Variants in SENP6 observed in about 807,000 individuals in gnomAD.
SENP6 encodes sentrin-specific protease 6.
Under a neutral mutation model 134.5 loss-of-function variants are expected in SENP6, and 41 were observed. The ratio of observed to expected loss-of-function variants is 0.30; its 90% CI spans 0.24 to 0.40. The LOEUF (loss-of-function observed/expected upper bound fraction) is 0.40. Ranked by LOEUF, SENP6 falls within the 10% of genes least tolerant of loss-of-function variation. SENP6 has a pLI of 1.00. For synonymous variants in SENP6, 395 were observed against 429.8 expected, an observed-to-expected ratio of 0.92 and a Z score of 1.00; for missense variants, 1,248 against 1,312.5, an observed-to-expected ratio of 0.95 and a Z score of 0.76.
chr6:75,715,587 C>G lies in SENP6; in HGVS notation c.3332C>G (p.Ser1111Ter), dbSNP rs765488970. Residue 1111 changes from serine to a stop codon, truncating the protein, a stop_gained, in exon 24 of 24, where the codon TCA becomes TGA. Transcript: ENST00000447266. LOFTEE classifies it high-confidence loss of function. ...EGTEQYVNSI[S>*]D is the part of the protein sequence containing the mutation. The stretch of plus-strand genomic sequence containing the variant: ...ACAGAACAATATGTCAATAGTATCT[C>G]AGATTGACCATTTCTGTTACTTGTC... The G allele has an allele frequency of 4.4e-6, 7 of 1,601,250 alleles. No homozygotes were observed. The highest frequency in any genetic ancestry group is 6.0e-6 in the Non-Finnish European group (7 of 1,172,022).
chr6:75,664,492 C>T (rs1269704776), intron 9 of SENP6, among the ~76,000 whole-genome samples: 2 of 152,044 alleles, frequency 1.3e-5, no homozygotes, highest in East Asian at 3.9e-4. Flanking sequence ...AATAGATACC[C>T]TTATTGTCCC....
At chr6:75,618,299 G>T (rs1166985846) in intron 1 of SENP6, among the ~76,000 whole-genome samples, 5 of 150,156 alleles carry the variant, frequency 3.3e-5, no homozygotes, top group African/African-American at 1.2e-4. Flanking sequence ...ATGGATTCGG[G>T]AATGTTTATT....
rs547276168 is a variant in SENP6, at chr6:75,613,062, C to G, written c.53-8470C>G. On this transcript the variant is annotated intron_variant, in intron 1 of 23. Transcript: ENST00000447266. ...CCAGGAGGCAGAGGTTGCAGTGAGC[C>G]GAGATTGTGCCACTGCACTCCAGCC... 2.6e-5 allele frequency among the ~76,000 whole-genome samples: 4 copies of G among 151,468 alleles called. No homozygotes were observed. In the East Asian group the frequency reaches 7.8e-4, roughly 29 times the overall value.
chr6:75,662,710 C>A (rs1197771073), intron 8 of SENP6, among the ~76,000 whole-genome samples: 1 of 152,078 alleles, frequency 6.6e-6, no homozygotes, highest in African/African-American at 2.4e-5. Flanking sequence ...GAACATACTT[C>A]TGTTCATATT....
rs563611830 is a variant in SENP6, at chr6:75,609,207, G to A, written c.52+6631G>A. On this transcript the variant is annotated intron_variant, in intron 1 of 23. Transcript: ENST00000447266. ...ATTTCCTTCCTCTCCCTTTCTCCCC[G>A]CTTCCTCATCACTTTGCTTCCCTAT... Among the ~76,000 whole-genome samples the A allele has an allele frequency of 6.6e-4, 101 of 152,140 alleles. 1 individual carries two copies. The highest frequency in any genetic ancestry group is 1.4e-3 in the African/African-American group (58 of 41,490).
chr6:75,619,408 G>T (rs1183823328), intron 1 of SENP6, among the ~76,000 whole-genome samples: 1 of 151,466 alleles, frequency 6.6e-6, no homozygotes, highest in Non-Finnish European at 1.5e-5. Flanking sequence ...TATCCAATTC[G>T]TATCCCTTTA....
chr6:75,638,584 GTGTGTGTATATATATA>G (rs1381726768), intron 5 of SENP6, among the ~76,000 whole-genome samples: 11 of 29,942 alleles, frequency 3.7e-4, no homozygotes, highest in South Asian at 1.2e-3. Flanking sequence ...GTGTGTGTGT[GTGTGTGTATATATATA>G]TATATATATA....
intron 3 of SENP6, among the ~76,000 whole-genome samples, chr6:75,626,635 A>G (rs1043173609): frequency 4.5e-4 from 69 of 152,084 alleles, no homozygotes; most frequent in African/African-American, 1.4e-3. Flanking sequence ...TCTGTGTAGT[A>G]TATTTGTGGG....
chr6:75,672,015 A>G (rs2149874406), intron 11 of SENP6, among the ~76,000 whole-genome samples: 1 of 152,288 alleles, frequency 6.6e-6, no homozygotes, highest in East Asian at 1.9e-4. Context: ...TTCGAAGCAA[A>G]TTATATATAA....
At chr6:75,647,863 GGA>G in intron 7 of SENP6, 62 bp downstream of exon 7, 1 of 1,262,404 alleles carries the variant, frequency 7.9e-7, no homozygotes, top group South Asian at 1.3e-5. Context: ...AAAGTACAAT[GGA>G]GATACGATGC....
At chr6:75,634,923 G>GACA in intron 5 of SENP6, 112 bp downstream of exon 5, 1 of 710,318 alleles carries the variant, frequency 1.4e-6, no homozygotes, top group Non-Finnish European at 2.5e-6. Context: ...TTCACTGTCT[G>GACA]TAGAGAGATA....
chr6:75,615,905 T>C (rs1487753935), intron 1 of SENP6, among the ~76,000 whole-genome samples: 1 of 152,230 alleles, frequency 6.6e-6, no homozygotes, highest in Non-Finnish European at 1.5e-5. Flanking sequence ...AAATCTTCTT[T>C]TGCTTCTTGT....
At chr6:75,650,327 G>A (rs187740494) in intron 7 of SENP6, among the ~76,000 whole-genome samples, 17 of 152,268 alleles carry the variant, frequency 1.1e-4, no homozygotes, top group African/African-American at 3.1e-4. Flanking sequence ...TAAAATTACC[G>A]TTTTTCCCTT....
intron 1 of SENP6, among the ~76,000 whole-genome samples, chr6:75,604,058 A>G (rs1229340558): frequency 4.6e-5 from 7 of 152,274 alleles, no homozygotes; most frequent in African/African-American, 1.4e-4. Context: ...ACTCGTGCTT[A>G]TTATCTTCAG....
chr6:75,684,240 T>C (rs572447250), intron 16 of SENP6, among the ~76,000 whole-genome samples: 2 of 152,348 alleles, frequency 1.3e-5, no homozygotes, highest in African/African-American at 4.8e-5. Flanking sequence ...TTTTTGCACA[T>C]TGATTTTGTA....
intron 10 of SENP6, among the ~76,000 whole-genome samples, chr6:75,668,051 C>T (rs918001725): frequency 6.6e-6 from 1 of 151,928 alleles, no homozygotes; most frequent in African/African-American, 2.4e-5. Context: ...AATATGGGAA[C>T]ATATATACTT....
intron 14 of SENP6, chr6:75,678,242 A>G (rs1773226209): frequency 4.9e-6 from 1 of 205,098 alleles, no homozygotes; most frequent in Non-Finnish European, 9.5e-6. Flanking sequence ...TTGCCTAGCC[A>G]TTGAACTAAG....
intron 1 of SENP6, among the ~76,000 whole-genome samples, chr6:75,603,706 C>T (rs1284729152): frequency 1.3e-5 from 2 of 152,064 alleles, no homozygotes; most frequent in African/African-American, 2.4e-5. Context: ...GTTAACAGCA[C>T]CTCGAACAGT....
intron 2 of SENP6, among the ~76,000 whole-genome samples, chr6:75,622,576 CA>C (rs1257331891): frequency 6.6e-6 from 1 of 152,014 alleles, no homozygotes; most frequent in Non-Finnish European, 1.5e-5. Context: ...CAAAAACAAA[CA>C]AAAAAACATT....
Sources: gnomAD v4.1 joint callset for allele counts (sites outside exome capture counted in the v4.1 genomes callset) on GRCh38, gnomAD v4.1.1 for gene constraint, MANE v1.5 for transcripts, NCBI Gene and HGNC (gene_info 2026-07-23, HGNC 2026-07-21) for gene names.